ADGRE1: variants seen among roughly 807,000 people sequenced by gnomAD.
The protein encoded by ADGRE1 is adhesion G protein-coupled receptor E1.
ADGRE1 carries 82 observed loss-of-function variants against 102.7 expected under a neutral mutation model. That is an observed-to-expected ratio of 0.80 (90% CI 0.67 to 0.96). The LOEUF (loss-of-function observed/expected upper bound fraction) is 0.96. ADGRE1 is among the 40% of genes least tolerant of loss of function. The pLI is 0.00. For synonymous variants in ADGRE1, 398 were observed against 399.6 expected, an observed-to-expected ratio of 1.00 and a Z score of 0.05; for missense variants, 1,032 against 1,085.3, an observed-to-expected ratio of 0.95 and a Z score of 0.69.
At chr19:6,907,626 A>C (rs577153210) in intron 9 of ADGRE1, among the ~76,000 whole-genome samples, 1 of 151,922 alleles carries the variant, frequency 6.6e-6, no homozygotes, top group African/African-American at 2.4e-5. Flanking sequence ...AGGTGTGAGC[A>C]CCGTGCTCAG....
chr19:6,887,747 C>T, intron 1 of ADGRE1, 108 bp downstream of exon 1: 11 of 1,204,598 alleles, frequency 9.1e-6, no homozygotes, highest in Non-Finnish European at 1.3e-5. Context: ...TAAGTCCAGA[C>T]TGGATGCTGC....
chr19:6,924,623 C>T (rs1974807880), intron 14 of ADGRE1, 55 bp from the exon 15 acceptor site: 3 of 1,540,436 alleles, frequency 1.9e-6, no homozygotes, highest in Non-Finnish European at 8.9e-7. Context: ...CTTCTTCCCG[C>T]CTGGGGGGAT....
At chr19:6,911,304 G>A (rs1333565668) in intron 10 of ADGRE1, among the ~76,000 whole-genome samples, 4 of 144,752 alleles carry the variant, frequency 2.8e-5, no homozygotes, top group Non-Finnish European at 4.5e-5. Flanking sequence ...TCAAATTTCA[G>A]TTTAATTTCC....
chr19:6,920,081 G>C (rs1200921003), intron 13 of ADGRE1, among the ~76,000 whole-genome samples: 2 of 152,162 alleles, frequency 1.3e-5, no homozygotes, highest in Non-Finnish European at 2.9e-5. Context: ...GGCTGGGGCA[G>C]GTTTTATAGT....
chr19:6,926,539 G>A lies in ADGRE1; in HGVS notation c.2160G>A (p.Leu720=). ...ACATCTGTGCCTTTGGTTATGGGCT[G>A]CCGATGCTGGTGGTGGTGATCTCTG... The part of the protein sequence containing the change: ...MLHICAFGYG[L]PMLVVVISAS... The change falls in exon 16 of 21, where the codon CTG becomes CTA. Residue 720 remains leucine (L), a synonymous_variant. Coordinates refer to ENST00000312053, the MANE Select transcript of ADGRE1 (RefSeq NM_001974.5). 1.2e-6 allele frequency: 2 copies of A among 1,614,262 alleles called. No homozygotes were observed. The highest frequency in any genetic ancestry group is 1.7e-6 in the Non-Finnish European group (2 of 1,180,052).
At chr19:6,938,672 C>T (rs10405676) in intron 20 of ADGRE1, among the ~76,000 whole-genome samples, 105,836 of 151,656 alleles carry the variant, frequency 0.7, 37,061 homozygotes, top group Non-Finnish European at 0.73. Flanking sequence ...TTAGATGAAC[C>T]AGTATGCAAT....
At chr19:6,897,782 A>AT (rs1032843245) in intron 5 of ADGRE1, 1 of 293,782 alleles carries the variant, frequency 3.4e-6, no homozygotes. Flanking sequence ...TTTTTAAAAA[A>AT]TTTTTTATCT....
intron 11 of ADGRE1, among the ~76,000 whole-genome samples, chr19:6,915,084 C>T (rs1202484331): frequency 6.6e-6 from 1 of 152,004 alleles, no homozygotes; most frequent in African/African-American, 2.4e-5. Flanking sequence ...TAGCTCACTA[C>T]AGCTTTGCAC....
At position 6,937,385 on chromosome 19, in the gene ADGRE1, C is replaced by T. The variant is rs369332562; in HGVS notation, c.2524C>T (p.Leu842Phe). 1 of 1,613,924 alleles carries T rather than the reference C, an allele frequency of 6.2e-7. No individual in the cohort carries two copies. Among genetic ancestry groups the T allele is most frequent in the Non-Finnish European group, 8.5e-7 (1 of 1,180,000 alleles). Residue 842 changes from leucine (L) to phenylalanine (F), a missense_variant, in exon 19 of 21, where the codon CTC becomes TTC. Transcript: ENST00000312053. Reference protein sequence around the residue: ...INSLQGAFIFLIHCLLNGQVR... With the variant: ...INSLQGAFIFFIHCLLNGQVR... ...CAGCCTGCAGGGGGCCTTCATCTTC[C>T]TCATCCACTGTCTGCTCAACGGCCA...
intron 17 of ADGRE1, among the ~76,000 whole-genome samples, chr19:6,929,777 T>C (rs1235301946): frequency 1.3e-5 from 2 of 152,182 alleles, no homozygotes; most frequent in African/African-American, 4.8e-5. Flanking sequence ...TGCCTCGGCC[T>C]CCCCAAGTGC....
rs780683854 is a variant in ADGRE1 at position 6,897,284 on chromosome 19, C to A, written c.374C>A (p.Pro125Gln). Residue 125 changes from proline to glutamine, a missense_variant, in exon 4 of 21, where the codon CCG becomes CAG. Coordinates refer to ENST00000312053, the MANE Select transcript of ADGRE1 (RefSeq NM_001974.5). ...PTGNDWVPGK[P>Q]GNFSCTDINE... ...GGAAATGACTGGGTCCCAGGAAAGC[C>A]GGGCAATTTCTCCTGTACTGGTAAT... is the stretch of plus-strand genomic sequence containing the variant. The A allele has an allele frequency of 6.2e-7, 1 of 1,613,734 alleles. No homozygotes were observed. Among genetic ancestry groups the A allele is most frequent in the Non-Finnish European group, 8.5e-7 (1 of 1,179,944 alleles).
chr19:6,925,541 C>G (rs1974862550), intron 15 of ADGRE1, among the ~76,000 whole-genome samples: 1 of 152,124 alleles, frequency 6.6e-6, no homozygotes, highest in South Asian at 2.1e-4. Flanking sequence ...TGCTACTGCT[C>G]TCTGGTGGGT....
chr19:6,904,879 C>G (rs544867918), intron 8 of ADGRE1, among the ~76,000 whole-genome samples: 1 of 152,096 alleles, frequency 6.6e-6, no homozygotes, highest in African/African-American at 2.4e-5. Flanking sequence ...AAGCAGAAAC[C>G]TGAAGGAGGA....
At chr19:6,904,284 T>TCATC (rs2144915923) in intron 8 of ADGRE1, 102 bp downstream of exon 8, 1 of 1,399,518 alleles carries the variant, frequency 7.1e-7, no homozygotes, top group East Asian at 2.3e-5. Flanking sequence ...TAGTGTTGCC[T>TCATC]CATCCACATA....
At chr19:6,889,603 AGCTTGAACCAG>A (rs1973277403) in intron 1 of ADGRE1, among the ~76,000 whole-genome samples, 1 of 145,346 alleles carries the variant, frequency 6.9e-6, no homozygotes. Flanking sequence ...GCAGGAGAAT[AGCTTGAACCAG>A]GGAGTTGGTG....
At chr19:6,913,201 C>G (rs1848919185) in intron 10 of ADGRE1, among the ~76,000 whole-genome samples, 1 of 151,932 alleles carries the variant, frequency 6.6e-6, no homozygotes, top group African/African-American at 2.4e-5. Flanking sequence ...TTTTTTCAGA[C>G]AGCCTCTCTC....
At chr19:6,899,451 G>A (rs1408728681) in intron 5 of ADGRE1, among the ~76,000 whole-genome samples, 1 of 152,132 alleles carries the variant, frequency 6.6e-6, no homozygotes, top group Non-Finnish European at 1.5e-5. Context: ...GGCCAAGGCG[G>A]ATGGATCACT....
Position 6,898,443 on chromosome 19 carries a change from G to A in ADGRE1, c.514+896G>A, listed in dbSNP as rs901723947. The A allele has an allele frequency of 1.3e-4, 207 of 1,599,418 alleles. 2 individuals carry two copies. Among genetic ancestry groups the A allele is most frequent in the Middle Eastern group, 3.3e-4 (2 of 6,066 alleles). Reference sequence around the variant, plus strand: ...GAAATGACTGGATCCCAGGAAAGCCGGGCAATTTCTCCTGTACTGGTGATG... The same window carrying A: ...GAAATGACTGGATCCCAGGAAAGCCAGGCAATTTCTCCTGTACTGGTGATG... On this transcript the variant is annotated intron_variant, in intron 5 of 20. Coordinates refer to ENST00000312053, the MANE Select transcript of ADGRE1 (RefSeq NM_001974.5).
Position 6,916,378 on chromosome 19 carries a change from C to T in ADGRE1, c.1420+10C>T. ...GAATCTGAATCCACAGGTACAGGTC[C>T]TCTCCTGAGAATGCAGGTTATGGTG... On this transcript the variant is annotated intron_variant, in intron 12 of 20. Coordinates refer to ENST00000312053, the MANE Select transcript of ADGRE1 (RefSeq NM_001974.5). 1.2e-6 allele frequency: 2 copies of T among 1,610,074 alleles called. No homozygotes were observed. The highest frequency in any genetic ancestry group is 1.7e-6 in the Non-Finnish European group (2 of 1,178,100).
Sources: gnomAD v4.1 joint callset for allele counts (sites outside exome capture counted in the v4.1 genomes callset) on GRCh38, gnomAD v4.1.1 for gene constraint, MANE v1.5 for transcripts, NCBI Gene and HGNC (gene_info 2026-07-23, HGNC 2026-07-21) for gene names.